GPR158: variants seen among roughly 807,000 people sequenced by gnomAD.
GPR158 encodes G protein-coupled receptor 158.
In GPR158, 30 loss-of-function variants were observed where a neutral mutation model predicts 78.2. That is an observed-to-expected ratio of 0.38 (90% CI 0.29 to 0.52). GPR158 has a LOEUF of 0.52. Ranked by LOEUF, GPR158 falls within the 20% of genes least tolerant of loss-of-function variation. The probability of loss-of-function intolerance (pLI) is 0.83; values close to 1 mark genes in which losing one functional copy is unlikely to be tolerated. For synonymous variants in GPR158, 581 were observed against 591.1 expected, an observed-to-expected ratio of 0.98 and a Z score of 0.25; for missense variants, 1,463 against 1,523.5, an observed-to-expected ratio of 0.96 and a Z score of 0.66.
chr10:25,501,467 T>G (rs2130658355), intron 5 of GPR158, among the ~76,000 whole-genome samples: 1 of 152,350 alleles, frequency 6.6e-6, no homozygotes, highest in Non-Finnish European at 1.5e-5. Flanking sequence ...CTTACTAACT[T>G]ACAATTTGCA....
chr10:25,197,689 T>A (rs912583046), intron 1 of GPR158, among the ~76,000 whole-genome samples: 44 of 152,212 alleles, frequency 2.9e-4, no homozygotes, highest in African/African-American at 9.6e-4. Flanking sequence ...TGACAGAACA[T>A]GCTTTGTTCT....
intron 5 of GPR158, among the ~76,000 whole-genome samples, chr10:25,474,710 A>G (rs1029888323): frequency 6.6e-5 from 10 of 152,154 alleles, no homozygotes; most frequent in Non-Finnish European, 1.3e-4. Context: ...CAATTAGCCC[A>G]GTGCCTGTCA....
At chr10:25,217,710 CAGAGAA>C (rs1363036939) in intron 1 of GPR158, among the ~76,000 whole-genome samples, 1 of 152,190 alleles carries the variant, frequency 6.6e-6, no homozygotes, top group Non-Finnish European at 1.5e-5. Flanking sequence ...GGTCCATTCA[CAGAGAA>C]AGACCAGTAG....
intron 6 of GPR158, among the ~76,000 whole-genome samples, chr10:25,565,852 G>T (rs1836922702): frequency 6.6e-6 from 1 of 152,126 alleles, no homozygotes; most frequent in African/African-American, 2.4e-5. Flanking sequence ...AAAGCTGTAG[G>T]CTTTATTGAG....
Position 25,416,555 on chromosome 10 carries a change from G to T in GPR158, c.1335+4082G>T, listed in dbSNP as rs146160736. 3.7e-4 allele frequency among the ~76,000 whole-genome samples: 56 copies of T among 152,130 alleles called. 1 individual carries two copies. The highest frequency in any genetic ancestry group is 3.4e-3 in the Middle Eastern group (1 of 294). On this transcript the variant is annotated intron_variant, in intron 4 of 10. Transcript: ENST00000376351. ...TGGGTATTGATCATGAAGTCATTAGGGATGTTGAGAATTAGGACACATACT... is the reference window on the plus strand; with the variant it reads ...TGGGTATTGATCATGAAGTCATTAGTGATGTTGAGAATTAGGACACATACT...
At chr10:25,463,164 T>C (rs963137337) in intron 4 of GPR158, among the ~76,000 whole-genome samples, 3 of 152,230 alleles carry the variant, frequency 2.0e-5, no homozygotes, top group East Asian at 1.9e-4. Context: ...AGATTAGAAC[T>C]TGATGAAGCC....
intron 6 of GPR158, among the ~76,000 whole-genome samples, chr10:25,558,695 T>A (rs917938937): frequency 6.6e-6 from 1 of 152,352 alleles, no homozygotes; most frequent in African/African-American, 2.4e-5. Context: ...AACTGAGTTG[T>A]GTTTTTATTT....
intron 2 of GPR158, among the ~76,000 whole-genome samples, chr10:25,340,385 T>C (rs559820002): frequency 7.9e-5 from 12 of 152,200 alleles, no homozygotes; most frequent in Admixed American, 7.9e-4. Flanking sequence ...TTTGGGAGGA[T>C]ACTCAGGAAA....
At chr10:25,536,394 A>G (rs1317775697) in intron 5 of GPR158, among the ~76,000 whole-genome samples, 8 of 152,200 alleles carry the variant, frequency 5.3e-5, no homozygotes. Context: ...AACCAGGCAT[A>G]TTATTTGGCC....
intron 1 of GPR158, among the ~76,000 whole-genome samples, chr10:25,179,691 T>C (rs1852590212): frequency 6.6e-6 from 1 of 152,188 alleles, no homozygotes; most frequent in Admixed American, 6.5e-5. Flanking sequence ...GAGAAGTTTA[T>C]TGCTCATTTT....
chr10:25,339,981 G>GT (rs1855279140), intron 2 of GPR158, among the ~76,000 whole-genome samples: 1 of 152,008 alleles, frequency 6.6e-6, no homozygotes, highest in Non-Finnish European at 1.5e-5. Context: ...CTTCTTTTTA[G>GT]TTTTTGTGCT....
chr10:25,598,970 G>C lies in GPR158; in HGVS notation c.3344G>C (p.Gly1115Ala), dbSNP rs746516696. The C allele has an allele frequency of 1.2e-6, 2 of 1,613,476 alleles. No homozygotes were observed. The highest frequency in any genetic ancestry group is 2.7e-5 in the African/African-American group (2 of 74,740). The change falls in exon 11 of 11, where the codon GGG (glycine) becomes GCG (alanine). Residue 1115 changes from glycine to alanine, a missense_variant. Transcript: ENST00000376351. The stretch of plus-strand genomic sequence containing the variant: ...CCTCGTGCAGCCAATGTGTGTGCTG[G>C]GCAGAGCGAAGAACTGCCCCCCAAA... ...GQPRAANVCA[G>A]QSEELPPKAV...
At chr10:25,332,412 T>C (rs1266075457) in intron 2 of GPR158, among the ~76,000 whole-genome samples, 1 of 152,190 alleles carries the variant, frequency 6.6e-6, no homozygotes, top group African/African-American at 2.4e-5. Context: ...TGGAATAAAA[T>C]CTAGTAAGAA....
intron 3 of GPR158, among the ~76,000 whole-genome samples, chr10:25,405,797 C>T (rs1834507136): frequency 6.6e-6 from 1 of 151,902 alleles, no homozygotes; most frequent in Non-Finnish European, 1.5e-5. Flanking sequence ...GCAAAAATGA[C>T]CACAGGCAAG....
chr10:25,185,732 A>G (rs1588723578), intron 1 of GPR158, among the ~76,000 whole-genome samples: 1 of 152,052 alleles, frequency 6.6e-6, no homozygotes, highest in African/African-American at 2.4e-5. Context: ...CTGAGGCAGG[A>G]GAATGGCGTG....
chr10:25,588,538 T>G (rs1006467227), intron 7 of GPR158, among the ~76,000 whole-genome samples: 1 of 152,236 alleles, frequency 6.6e-6, no homozygotes, highest in African/African-American at 2.4e-5. Context: ...TAGCTGGCAA[T>G]GTTATCTTTA....
At chr10:25,421,794 C>A (rs183932695) in intron 4 of GPR158, among the ~76,000 whole-genome samples, 22 of 151,924 alleles carry the variant, frequency 1.4e-4, no homozygotes, top group African/African-American at 4.8e-4. Flanking sequence ...TTTTCCTTTT[C>A]TCCCCCTTCC....
chr10:25,557,320 A>G (rs1348606498), intron 6 of GPR158, among the ~76,000 whole-genome samples: 1 of 152,220 alleles, frequency 6.6e-6, no homozygotes, highest in Non-Finnish European at 1.5e-5. Flanking sequence ...CACTTCCTGC[A>G]TTCGTCTTCT....
chr10:25,580,684 A>G (rs73610308), intron 7 of GPR158, among the ~76,000 whole-genome samples: 68 of 152,278 alleles, frequency 4.5e-4, no homozygotes, highest in African/African-American at 1.6e-3. Flanking sequence ...CATATGCCTT[A>G]ATGCACACTG....
Sources: gnomAD v4.1 joint callset for allele counts (sites outside exome capture counted in the v4.1 genomes callset) on GRCh38, gnomAD v4.1.1 for gene constraint, MANE v1.5 for transcripts, NCBI Gene and HGNC (gene_info 2026-07-23, HGNC 2026-07-21) for gene names.